Variants in CEP63 observed in about 807,000 individuals in gnomAD.
CEP63 encodes centrosomal protein of 63 kDa.
Under a neutral mutation model 89.1 loss-of-function variants are expected in CEP63, and 84 were observed. That is an observed-to-expected ratio of 0.94 (90% CI 0.79 to 1.13). The LOEUF (loss-of-function observed/expected upper bound fraction) is 1.13, where lower values mean the gene tolerates loss of function less well. Ranked by LOEUF, CEP63 falls within the 50% of genes most tolerant of loss-of-function variation. The probability of loss-of-function intolerance (pLI) is 0.00; values close to 1 mark genes in which losing one functional copy is unlikely to be tolerated. For synonymous variants in CEP63, 267 were observed against 272.5 expected (o/e 0.98, Z 0.20); for missense variants, 838 against 813.3 (o/e 1.03, Z -0.37).
chr3:134,768,081 C>T, the CEP63 span, among the ~76,000 whole-genome samples: 2 of 152,100 alleles, frequency 1.3e-5, no homozygotes, highest in African/African-American at 4.8e-5. Flanking sequence ...CCAGGAGTGA[C>T]CGGAGATGAG....
chr3:134,492,712 A>T (rs1035439193), intron 1 of CEP63, among the ~76,000 whole-genome samples: 1 of 151,852 alleles, frequency 6.6e-6, no homozygotes, highest in African/African-American at 2.4e-5. Flanking sequence ...CTTCAGTTTA[A>T]TTTCTTTTTT....
chr3:134,701,436 A>G, the CEP63 span, among the ~76,000 whole-genome samples: 10 of 120,128 alleles, frequency 8.3e-5, 1 homozygote, highest in Admixed American at 5.3e-4. Context: ...ATATATGTGT[A>G]TATATACATA....
chr3:134,594,797 A>C, the CEP63 span, among the ~76,000 whole-genome samples: 3 of 152,232 alleles, frequency 2.0e-5, no homozygotes, highest in Non-Finnish European at 2.9e-5. Flanking sequence ...TTTACTGATC[A>C]CTTATTCTAA....
the CEP63 span, among the ~76,000 whole-genome samples, chr3:134,701,427 T>C: frequency 3.3e-5 from 4 of 121,598 alleles, 1 homozygote; most frequent in African/African-American, 8.8e-5. Flanking sequence ...TATATACGTA[T>C]ATATGTGTAT....
chr3:134,680,111 C>T, the CEP63 span, among the ~76,000 whole-genome samples: 5 of 152,308 alleles, frequency 3.3e-5, no homozygotes, highest in African/African-American at 1.2e-4. Flanking sequence ...AGGGAGAAGA[C>T]AGCCATGTGC....
downstream of CEP63, among the ~76,000 whole-genome samples, chr3:134,578,271 C>T (rs1043147841): frequency 1.3e-4 from 20 of 150,912 alleles, no homozygotes; most frequent in African/African-American, 2.2e-4. Flanking sequence ...TCCACAGCCT[C>T]GCTAGCATCT....
At chr3:134,653,613 C>T in the CEP63 span, among the ~76,000 whole-genome samples, 3 of 152,136 alleles carry the variant, frequency 2.0e-5, no homozygotes, top group Admixed American at 1.3e-4. Flanking sequence ...GAGGGAGACA[C>T]CATGGGGAAG....
chr3:134,608,806 T>C, the CEP63 span: 1 of 1,613,244 alleles, frequency 6.2e-7, no homozygotes, highest in Non-Finnish European at 8.5e-7. Flanking sequence ...CGATGAACAG[T>C]GCAGGGTGGG....
chr3:134,677,353 C>T, the CEP63 span, among the ~76,000 whole-genome samples: 16 of 152,262 alleles, frequency 1.1e-4, no homozygotes, highest in African/African-American at 3.9e-4. Flanking sequence ...CTTGCTGTTT[C>T]CGTTTCCATG....
chr3:134,575,374 TC>T, downstream of CEP63, among the ~76,000 whole-genome samples: 1 of 36,012 alleles, frequency 2.8e-5, no homozygotes, highest in Non-Finnish European at 5.2e-5. Context: ...CCTCCCTCCC[TC>T]CCTCCCTCCC....
chr3:134,561,968 C>G lies in CEP63; in HGVS notation c.*433C>G, dbSNP rs941998446. 9.8e-7 allele frequency: 1 copy of G among 1,017,500 alleles called. No individual in the cohort carries two copies. The highest frequency in any genetic ancestry group is 1.2e-6 in the Non-Finnish European group (1 of 849,530). The allele number at this position is 1,017,500 out of a possible 1,614,324, so 63.0% of individuals were successfully genotyped here. On this transcript the variant is annotated 3_prime_UTR_variant, in exon 15 of 15. Transcript: ENST00000675561. ...TACCTGGATCGATAGACTGGTTTTG[C>G]CACTTACCAGCCAACGGGGCTTGTT...
intron 9 of CEP63, among the ~76,000 whole-genome samples, chr3:134,547,817 C>G (rs570982156): frequency 7.1e-4 from 108 of 152,048 alleles, no homozygotes; most frequent in Middle Eastern, 3.4e-3. Context: ...CCATGTTGGC[C>G]AGGCTGGTCT....
chr3:134,781,618 T>C, the CEP63 span, among the ~76,000 whole-genome samples: 2 of 152,192 alleles, frequency 1.3e-5, no homozygotes, highest in African/African-American at 2.4e-5. Context: ...GTAACAAACC[T>C]GTACATGTAC....
At chr3:134,640,367 G>T in the CEP63 span, among the ~76,000 whole-genome samples, 1 of 152,130 alleles carries the variant, frequency 6.6e-6, no homozygotes, top group Non-Finnish European at 1.5e-5. Context: ...TGCGACTTCA[G>T]GCAAGTTATT....
At chr3:134,604,069 TC>T in the CEP63 span, 1 of 1,613,740 alleles carries the variant, frequency 6.2e-7, no homozygotes, top group Non-Finnish European at 8.5e-7. Flanking sequence ...GGGGCCATCA[TC>T]CCCGTGGAGG....
the CEP63 span, among the ~76,000 whole-genome samples, chr3:134,676,076 C>A: frequency 6.6e-6 from 1 of 152,200 alleles, no homozygotes; most frequent in Non-Finnish European, 1.5e-5. Flanking sequence ...AGCAATTCTG[C>A]TCCTAGGTAT....
chr3:134,561,537 C>T lies in CEP63; in HGVS notation c.*2C>T. Reference sequence around the variant, plus strand: ...AGACAATTCACAGCCTTAAAGTAGCCTCTTAAAAAAATCACTATCTTGGAA... The same window carrying T: ...AGACAATTCACAGCCTTAAAGTAGCTTCTTAAAAAAATCACTATCTTGGAA... On this transcript the variant is annotated 3_prime_UTR_variant, in exon 15 of 15. Coordinates refer to ENST00000675561, the MANE Select transcript of CEP63 (RefSeq NM_001353108.3). 2 of 1,611,902 alleles carry T rather than the reference C, an allele frequency of 1.2e-6. No homozygotes were observed. Among genetic ancestry groups the T allele is most frequent in the South Asian group, 1.1e-5 (1 of 90,928 alleles).
the CEP63 span, chr3:134,620,741 G>T: frequency 1.2e-6 from 2 of 1,605,674 alleles, no homozygotes; most frequent in South Asian, 2.2e-5. Context: ...TTCCACAGGG[G>T]GGCCTACCTA....
At chr3:134,545,484 A>G (rs1451002023) in intron 6 of CEP63, 102 bp from the exon 7 acceptor site, 3 of 871,732 alleles carry the variant, frequency 3.4e-6, no homozygotes, top group African/African-American at 1.7e-5. Context: ...TAGTGAGCCA[A>G]TGCTTTATGT....
Sources: gnomAD v4.1 joint callset for allele counts (sites outside exome capture counted in the v4.1 genomes callset) on GRCh38, gnomAD v4.1.1 for gene constraint, MANE v1.5 for transcripts, NCBI Gene and HGNC (gene_info 2026-07-23, HGNC 2026-07-21) for gene names.